Variants in CATSPERQ observed in about 807,000 individuals in gnomAD.
CATSPERQ encodes the protein cation channel sperm-associated auxiliary subunit theta.
At chr8:144,354,488 ACCCAGGGC>A in the CATSPERQ span, 1 of 1,348,810 alleles carries the variant, frequency 7.4e-7, no homozygotes, top group Admixed American at 3.0e-5. The surrounding 1 kb of genome is among the most constrained non-coding windows in gnomAD (Gnocchi z 4.6). Flanking sequence ...GGCCGGCCCC[ACCCAGGGC>A]CCTGGCCCTG....
At chr8:144,353,331 G>T in the CATSPERQ span, 12 of 1,521,388 alleles carry the variant, frequency 7.9e-6, no homozygotes, top group Middle Eastern at 2.0e-4. Context: ...GTCCCGAGGT[G>T]GGGGAGGCCC....
chr8:144,353,779 T>G, the CATSPERQ span: 1 of 1,535,514 alleles, frequency 6.5e-7, no homozygotes, highest in Non-Finnish European at 8.7e-7. Flanking sequence ...GGGACCCACC[T>G]CGTAGTGCTC....
the CATSPERQ span, chr8:144,353,544 C>T: frequency 4.4e-5 from 67 of 1,526,538 alleles, no homozygotes; most frequent in East Asian, 7.3e-4. Flanking sequence ...GAGCAGGTGG[C>T]GCTCAACTGG....
the CATSPERQ span, chr8:144,353,660 G>A: frequency 6.8e-7 from 1 of 1,463,650 alleles, no homozygotes; most frequent in Non-Finnish European, 9.2e-7. Flanking sequence ...ACGGCCCCCA[G>A]CACCGAAGAC....
the CATSPERQ span, chr8:144,353,442 A>G: frequency 4.6e-6 from 7 of 1,535,930 alleles, no homozygotes; most frequent in Non-Finnish European, 6.1e-6. Context: ...CCAGTGGCGA[A>G]CCACGTGCCG....
chr8:144,354,163 G>A, the CATSPERQ span: 213 of 1,536,538 alleles, frequency 1.4e-4, no homozygotes, highest in African/African-American at 2.1e-3. This position sits in a 1 kb window ranked among gnomAD's most constrained non-coding sequence, Gnocchi z 4.6. Flanking sequence ...CGGGCGCCAC[G>A]CGGAGAGTCT....
the CATSPERQ span, chr8:144,354,592 C>T: frequency 7.0e-7 from 1 of 1,429,456 alleles, no homozygotes; most frequent in Non-Finnish European, 9.4e-7. This position sits in a 1 kb window ranked among gnomAD's most constrained non-coding sequence, Gnocchi z 4.6. Context: ...CCGCCCCGCC[C>T]CGCCCCGCCC....
the CATSPERQ span, chr8:144,353,672 G>A: frequency 1.4e-6 from 2 of 1,473,182 alleles, no homozygotes; most frequent in Non-Finnish European, 1.8e-6. Context: ...ACCGAAGACC[G>A]TGTTGTATTT....
the CATSPERQ span, chr8:144,354,555 T>TCCAA: frequency 1.5e-6 from 1 of 681,602 alleles, no homozygotes; most frequent in Non-Finnish European, 2.2e-6. This position sits in a 1 kb window ranked among gnomAD's most constrained non-coding sequence, Gnocchi z 4.6. Context: ...CCCGTCTCCC[T>TCCAA]CCTCCCCCGC....
At chr8:144,353,794 A>G in the CATSPERQ span, 1 of 1,535,546 alleles carries the variant, frequency 6.5e-7, no homozygotes, top group Non-Finnish European at 8.7e-7. Flanking sequence ...GTGCTCCGAC[A>G]GCTGCACCAG....
the CATSPERQ span, chr8:144,354,414 T>A: frequency 7.0e-7 from 1 of 1,432,194 alleles, no homozygotes; most frequent in African/African-American, 1.4e-5. This position sits in a 1 kb window ranked among gnomAD's most constrained non-coding sequence, Gnocchi z 4.6. Context: ...CCGGACTAGC[T>A]GGGTCCGCGC....
chr8:144,353,403 C>T, the CATSPERQ span: 1 of 1,535,706 alleles, frequency 6.5e-7, no homozygotes, highest in Non-Finnish European at 8.7e-7. Context: ...GGGGCTCTTG[C>T]CCATCACAGT....
At chr8:144,353,784 G>A in the CATSPERQ span, 3 of 1,535,508 alleles carry the variant, frequency 2.0e-6, no homozygotes, top group East Asian at 2.4e-5. Flanking sequence ...CCACCTCGTA[G>A]TGCTCCGACA....
chr8:144,353,273 C>G, the CATSPERQ span: 1 of 1,435,210 alleles, frequency 7.0e-7, no homozygotes, highest in Non-Finnish European at 9.1e-7. Flanking sequence ...GAGTGGGACT[C>G]ACATTTGATC....
At chr8:144,354,624 C>T in the CATSPERQ span, 4 of 1,461,960 alleles carry the variant, frequency 2.7e-6, no homozygotes, top group African/African-American at 2.9e-5. The surrounding 1 kb of genome is among the most constrained non-coding windows in gnomAD (Gnocchi z 4.6). Flanking sequence ...CACCGTTTGG[C>T]TCCTGCTGCA....
At chr8:144,353,348 T>A in the CATSPERQ span, 1 of 1,526,140 alleles carries the variant, frequency 6.6e-7, no homozygotes, top group South Asian at 1.2e-5. Flanking sequence ...GCCCTCAGAG[T>A]CACACCTCCA....
At chr8:144,354,573 T>A in the CATSPERQ span, 32 of 187,118 alleles carry the variant, frequency 1.7e-4, no homozygotes, top group Non-Finnish European at 2.3e-4. This position sits in a 1 kb window ranked among gnomAD's most constrained non-coding sequence, Gnocchi z 4.6. Context: ...CGCCCCGCCC[T>A]TCCCAGCCCC....
the CATSPERQ span, chr8:144,353,754 G>C: frequency 1.3e-6 from 2 of 1,535,120 alleles, no homozygotes; most frequent in Non-Finnish European, 1.7e-6. Flanking sequence ...TCCTGAGGAG[G>C]GCGCGTGTCT....
the CATSPERQ span, chr8:144,354,909 G>T: frequency 1.5e-6 from 2 of 1,366,932 alleles, no homozygotes; most frequent in South Asian, 1.5e-5. The surrounding 1 kb of genome is among the most constrained non-coding windows in gnomAD (Gnocchi z 4.6). Flanking sequence ...GACTGACAGG[G>T]CAGCGAGGCC....
Sources: allele counts gnomAD v4.1 joint callset, GRCh38; gene constraint gnomAD v4.1.1; non-coding constraint Gnocchi (gnomAD v3.1); transcripts MANE v1.5; gene names NCBI Gene and HGNC (gene_info 2026-07-23, HGNC 2026-07-21).